DPP10: variants seen among roughly 807,000 people sequenced by gnomAD.
DPP10 encodes dipeptidyl peptidase like 10.
A neutral mutation model predicts 120.9 loss-of-function variants in DPP10; 33 were observed. The observed-to-expected ratio is 0.27, with a 90% CI of 0.21 to 0.37. DPP10 has a LOEUF of 0.37. DPP10 is among the 10% of genes least tolerant of loss of function. The pLI is 1.00. For synonymous variants in DPP10, 337 were observed against 326.1 expected (o/e 1.03, Z -0.36); for missense variants, 816 against 942.8 (o/e 0.87, Z 1.76).
At chr2:114,913,367 G>A (rs1694526498) in intron 1 of DPP10, among the ~76,000 whole-genome samples, 1 of 152,126 alleles carries the variant, frequency 6.6e-6, no homozygotes, top group Non-Finnish European at 1.5e-5. Flanking sequence ...TGTTGCAAGT[G>A]GACTGGGAAC....
intron 12 of DPP10, among the ~76,000 whole-genome samples, chr2:115,765,660 A>T (rs72828578): frequency 0.013 from 1,989 of 152,240 alleles, 20 homozygotes; most frequent in Non-Finnish European, 0.021. Context: ...AATGAGTAAG[A>T]TTTAGCAGAA....
At chr2:115,740,520 C>T (rs1302803556) in intron 9 of DPP10, among the ~76,000 whole-genome samples, 2 of 152,028 alleles carry the variant, frequency 1.3e-5, no homozygotes, top group Non-Finnish European at 2.9e-5. Context: ...ATCAGCATTA[C>T]CTTGGCAGAG....
chr2:114,896,208 G>A (rs1436047213), intron 1 of DPP10, among the ~76,000 whole-genome samples: 2 of 152,140 alleles, frequency 1.3e-5, no homozygotes, highest in Non-Finnish European at 2.9e-5. Context: ...GATTGACTTG[G>A]CGATGCGGGC....
intron 7 of DPP10, among the ~76,000 whole-genome samples, chr2:115,719,944 G>A (rs1171205135): frequency 6.6e-6 from 1 of 152,084 alleles, no homozygotes; most frequent in Non-Finnish European, 1.5e-5. Context: ...ATCCTGATTT[G>A]TAACATCGTT....
At chr2:114,703,909 TGAAA>T (rs1700530990) in intron 1 of DPP10, among the ~76,000 whole-genome samples, 1 of 152,042 alleles carries the variant, frequency 6.6e-6, no homozygotes, top group African/African-American at 2.4e-5. Flanking sequence ...GGACCAGCTA[TGAAA>T]GAAAGAACCC....
chr2:115,279,604 T>A (rs1172710522), intron 1 of DPP10, among the ~76,000 whole-genome samples: 1 of 151,644 alleles, frequency 6.6e-6, no homozygotes, highest in Non-Finnish European at 1.5e-5. Flanking sequence ...GGTAGCATTT[T>A]TCTTTTTTTT....
chr2:114,520,459 A>G (rs537606867), intron 1 of DPP10, among the ~76,000 whole-genome samples: 1 of 152,388 alleles, frequency 6.6e-6, no homozygotes, highest in South Asian at 2.1e-4. Flanking sequence ...TGTAAAATTC[A>G]TTACAAATTG....
chr2:115,389,966 C>T (rs1278354199), intron 3 of DPP10, among the ~76,000 whole-genome samples: 1 of 152,156 alleles, frequency 6.6e-6, no homozygotes, highest in African/African-American at 2.4e-5. Flanking sequence ...TTTTATTCCT[C>T]ATAGGCAGGA....
At chr2:114,511,897 C>T (rs1392129994) in intron 1 of DPP10, among the ~76,000 whole-genome samples, 4 of 152,186 alleles carry the variant, frequency 2.6e-5, no homozygotes, top group Non-Finnish European at 4.4e-5. Flanking sequence ...TGCTTCTTGT[C>T]CTGTATTGTT....
rs895607636 is a variant in DPP10 at position 115,566,728 on chromosome 2, C to T, written c.441+40756C>T. Among the ~76,000 whole-genome samples the T allele has an allele frequency of 2.0e-5, 3 of 152,158 alleles. No homozygotes were observed. In the East Asian group the frequency reaches 5.8e-4, roughly 29 times the overall value. On this transcript the variant is annotated intron_variant, in intron 5 of 25. Transcript: ENST00000410059. ...TTAGTAAAGAATTATATTAAGGCAT[C>T]AGGAGCTGGTCTTAGGTATGCTCAT... is the stretch of plus-strand genomic sequence containing the variant.
chr2:114,542,048 CCTTTTTT>C (rs930126895), intron 1 of DPP10, among the ~76,000 whole-genome samples: 53 of 122,172 alleles, frequency 4.3e-4, no homozygotes, highest in African/African-American at 1.6e-3. Context: ...TTCTTTCTTT[CCTTTTTT>C]TTTTTTTTTT....
chr2:115,195,105 A>G (rs2055168536), intron 1 of DPP10, among the ~76,000 whole-genome samples: 2 of 152,142 alleles, frequency 1.3e-5, no homozygotes, highest in African/African-American at 4.8e-5. Context: ...ATGAGTCAGT[A>G]TTGTTATTAG....
intron 5 of DPP10, among the ~76,000 whole-genome samples, chr2:115,556,561 T>C (rs966823324): frequency 2.0e-5 from 3 of 152,054 alleles, no homozygotes; most frequent in Middle Eastern, 3.2e-3. Flanking sequence ...AGAATCCTAA[T>C]TGTGTGCCAG....
chr2:115,706,542 A>C lies in DPP10; in HGVS notation c.576+16621A>C, dbSNP rs559492358. ...GCTAAGGAAACTATTTGAATGAAAG[A>C]GCAATGTAGATGACAGTTAGTGAAA... On this transcript the variant is annotated intron_variant, in intron 7 of 25. Transcript: ENST00000410059. Among the ~76,000 whole-genome samples the C allele has an allele frequency of 2.6e-5, 4 of 152,114 alleles. No homozygotes were observed. The South Asian group carries it at 8.3e-4, about 32-fold the overall frequency.
intron 1 of DPP10, among the ~76,000 whole-genome samples, chr2:114,965,945 G>A (rs556508592): frequency 7.7e-5 from 10 of 129,286 alleles, no homozygotes; most frequent in Admixed American, 9.0e-5. Flanking sequence ...CAGCTTGGGC[G>A]CAGAGCGAGA....
Position 115,556,170 on chromosome 2 carries a change from C to CT in DPP10, c.441+30206dup, listed in dbSNP as rs745727488. On this transcript the variant is annotated intron_variant, in intron 5 of 25. Coordinates refer to ENST00000410059, the MANE Select transcript of DPP10 (RefSeq NM_020868.6). ...TTACTGAGTGGTAAAGATGAGCAAC[C>CT]TTTTTTTTGTTTAATAGCCAGATAC... Among the ~76,000 whole-genome samples, 22 of 151,570 alleles carry CT rather than the reference C, an allele frequency of 1.5e-4. No homozygotes were observed. The East Asian group carries it at 2.1e-3, about 15-fold the overall frequency.
intron 5 of DPP10, among the ~76,000 whole-genome samples, chr2:115,633,213 C>A (rs963294765): frequency 1.1e-4 from 17 of 152,190 alleles, no homozygotes; most frequent in South Asian, 1.0e-3. Context: ...TGGATTAAGA[C>A]AATGTGGCAC....
chr2:114,833,864 T>G (rs2106411790), intron 1 of DPP10: 1 of 152,236 alleles, frequency 6.6e-6, no homozygotes, highest in African/African-American at 2.4e-5. Context: ...AAACCCTCTT[T>G]TTGTCCTACG....
At chr2:115,617,287 T>TAC (rs1446102925) in intron 5 of DPP10, among the ~76,000 whole-genome samples, 1 of 121,908 alleles carries the variant, frequency 8.2e-6, no homozygotes, top group Non-Finnish European at 1.8e-5. Context: ...TATATATATA[T>TAC]ATACACACAT....
Sources: allele counts gnomAD v4.1 joint callset (sites outside exome capture counted in the v4.1 genomes callset), GRCh38; gene constraint gnomAD v4.1.1; transcripts MANE v1.5; gene names NCBI Gene and HGNC (gene_info 2026-07-23, HGNC 2026-07-21).